CCDC178: variants seen among roughly 807,000 people sequenced by gnomAD.
The protein encoded by CCDC178 is coiled-coil domain-containing protein 178.
In CCDC178, 126 loss-of-function variants were observed where a neutral mutation model predicts 117.4. The observed-to-expected ratio is 1.07, with a 90% CI of 0.93 to 1.24. CCDC178 has a LOEUF of 1.24. CCDC178 is among the 50% of genes most tolerant of loss of function. The probability of loss-of-function intolerance (pLI) is 0.00; values close to 1 mark genes in which losing one functional copy is unlikely to be tolerated. For synonymous variants in CCDC178, 283 were observed against 313.4 expected (o/e 0.90, Z 1.02); for missense variants, 1,030 against 986.9 (o/e 1.04, Z -0.59).
intron 22 of CCDC178, among the ~76,000 whole-genome samples, chr18:32,971,166 C>T (rs913696006): frequency 6.6e-6 from 1 of 151,978 alleles, no homozygotes; most frequent in African/African-American, 2.4e-5. Context: ...AATGTTCTCC[C>T]TCCCCTTACC....
intron 22 of CCDC178, among the ~76,000 whole-genome samples, chr18:32,959,568 C>A (rs1434822684): frequency 6.6e-6 from 1 of 152,006 alleles, no homozygotes; most frequent in East Asian, 1.9e-4. Flanking sequence ...AAGTTTTCAT[C>A]TTTTTTGAGT....
At chr18:33,413,541 G>T (rs2063889116) in intron 2 of CCDC178, among the ~76,000 whole-genome samples, 1 of 147,328 alleles carries the variant, frequency 6.8e-6, no homozygotes, top group South Asian at 2.2e-4. Context: ...AAAAAAAAAT[G>T]CTTCTACTGC....
At chr18:33,216,989 T>C (rs1161716881) in intron 18 of CCDC178, among the ~76,000 whole-genome samples, 1 of 152,050 alleles carries the variant, frequency 6.6e-6, no homozygotes, top group Non-Finnish European at 1.5e-5. Context: ...ATCATTCATT[T>C]CTTAGTCTTA....
At chr18:32,948,353 A>G (rs1032282393) in intron 22 of CCDC178, among the ~76,000 whole-genome samples, 3 of 152,106 alleles carry the variant, frequency 2.0e-5, no homozygotes, top group African/African-American at 7.2e-5. Context: ...TGATTTATTC[A>G]GGACTTCTTT....
intron 20 of CCDC178, among the ~76,000 whole-genome samples, chr18:33,177,897 A>G (rs935356600): frequency 1.3e-5 from 2 of 151,906 alleles, no homozygotes; most frequent in East Asian, 3.9e-4. Flanking sequence ...TTTTCCCACA[A>G]CTTCTCATAT....
chr18:33,244,300 G>A (rs1228615793), intron 15 of CCDC178, among the ~76,000 whole-genome samples: 1 of 151,924 alleles, frequency 6.6e-6, no homozygotes, highest in Non-Finnish European at 1.5e-5. Context: ...ATGTGTGTAA[G>A]ATGGATGAAA....
At chr18:33,088,432 C>T (rs529428661) in intron 21 of CCDC178, among the ~76,000 whole-genome samples, 2 of 152,124 alleles carry the variant, frequency 1.3e-5, no homozygotes, top group East Asian at 3.9e-4. Context: ...AATATCTCTC[C>T]ATCTATTTAG....
chr18:33,004,679 C>A (rs1206333408), intron 21 of CCDC178, among the ~76,000 whole-genome samples: 1 of 152,054 alleles, frequency 6.6e-6, no homozygotes, highest in Non-Finnish European at 1.5e-5. Context: ...GAAGAGACAA[C>A]CCATCGGATG....
intron 21 of CCDC178, among the ~76,000 whole-genome samples, chr18:32,997,235 T>C (rs1352012275): frequency 1.3e-5 from 2 of 152,204 alleles, no homozygotes; most frequent in Non-Finnish European, 2.9e-5. Context: ...GGCTACACCA[T>C]GGTACCCAAA....
intron 21 of CCDC178, among the ~76,000 whole-genome samples, chr18:33,013,543 A>ATT (rs2055916835): frequency 6.6e-6 from 1 of 152,220 alleles, no homozygotes; most frequent in Non-Finnish European, 1.5e-5. Flanking sequence ...ATTTTATGAC[A>ATT]TAAGGCTATG....
At chr18:33,290,090 AATTG>A (rs1390935030) in intron 12 of CCDC178, among the ~76,000 whole-genome samples, 3 of 152,194 alleles carry the variant, frequency 2.0e-5, no homozygotes, top group African/African-American at 7.2e-5. Flanking sequence ...CTCTTACAGT[AATTG>A]ATAGAAGTGT....
At chr18:33,181,698 A>T (rs2058734520) in intron 20 of CCDC178, among the ~76,000 whole-genome samples, 1 of 151,888 alleles carries the variant, frequency 6.6e-6, no homozygotes, top group Non-Finnish European at 1.5e-5. Context: ...TAGAGGTTAT[A>T]ACAGTGCCCA....
In CCDC178 at chr18:33,185,076, ATATCTTTCAGGTGAATG is replaced by A. The variant is rs1344376684; in HGVS notation, c.2238+26803_2238+26819del. 3.9e-5 allele frequency among the ~76,000 whole-genome samples: 6 copies of A among 152,146 alleles called. No homozygotes were observed. The South Asian group carries it at 1.2e-3, about 32-fold the overall frequency. On this transcript the variant is annotated intron_variant, in intron 20 of 22. Coordinates refer to ENST00000383096, the MANE Select transcript of CCDC178 (RefSeq NM_001105528.4). ...GCAATACTGTAAAGATAGCCATCTA[ATATCTTTCAGGTGAATG>A]TGGGGGTGTGACTCCTTAGCCCCCT...
rs2058433024 is a variant in CCDC178, at chr18:33,159,020, C to G, written c.2238+52876G>C. On this transcript the variant is annotated intron_variant, in intron 20 of 22. Coordinates refer to ENST00000383096, the MANE Select transcript of CCDC178 (RefSeq NM_001105528.4). ...CGTTGTCATATAAAAATTTTTAATA[C>G]TATGCATAATAGAACTCACTTTTTC... Among the ~76,000 whole-genome samples the G allele has an allele frequency of 2.6e-5, 4 of 152,056 alleles. No individual in the cohort carries two copies. The South Asian group carries it at 8.3e-4, about 32-fold the overall frequency.
At chr18:32,946,841 G>A (rs757616513) in intron 22 of CCDC178, among the ~76,000 whole-genome samples, 2 of 149,166 alleles carry the variant, frequency 1.3e-5, no homozygotes, top group Non-Finnish European at 3.0e-5. Flanking sequence ...GTGCAGTGTC[G>A]CAATCTCAGC....
At chr18:33,263,530 C>T (rs987631168) in intron 14 of CCDC178, among the ~76,000 whole-genome samples, 5 of 151,910 alleles carry the variant, frequency 3.3e-5, no homozygotes, top group African/African-American at 1.2e-4. Flanking sequence ...GATCAAAACT[C>T]ATAATTAGTT....
chr18:33,116,953 A>AT (rs1173719856), intron 20 of CCDC178, among the ~76,000 whole-genome samples: 1 of 152,124 alleles, frequency 6.6e-6, no homozygotes, highest in Non-Finnish European at 1.5e-5. Context: ...AGTGGGCAGC[A>AT]TTTCCTATGA....
At chr18:33,394,548 GA>G (rs1479817897) in intron 4 of CCDC178, among the ~76,000 whole-genome samples, 1 of 151,786 alleles carries the variant, frequency 6.6e-6, no homozygotes, top group Non-Finnish European at 1.5e-5. Context: ...TATTACTTAA[GA>G]AGGTTTTTTC....
At chr18:33,213,458 T>C (rs765487052) in intron 19 of CCDC178, among the ~76,000 whole-genome samples, 2 of 151,930 alleles carry the variant, frequency 1.3e-5, no homozygotes, top group East Asian at 3.9e-4. Flanking sequence ...GCCAATGATA[T>C]TGACATCTTG....
Sources: allele counts gnomAD v4.1 joint callset (sites outside exome capture counted in the v4.1 genomes callset), GRCh38; gene constraint gnomAD v4.1.1; transcripts MANE v1.5; gene names NCBI Gene and HGNC (gene_info 2026-07-23, HGNC 2026-07-21).